Variants in CUEDC1 observed in about 807,000 individuals in gnomAD.
CUEDC1 encodes the protein CUE domain-containing protein 1.
CUEDC1 carries 30 observed loss-of-function variants against 43.7 expected under a neutral mutation model. The ratio of observed to expected loss-of-function variants is 0.69; its 90% CI spans 0.51 to 0.93. CUEDC1 has a LOEUF of 0.93. Among genes scored for constraint, CUEDC1 ranks in the 40% least tolerant of loss-of-function variants. CUEDC1 has a pLI of 0.00. For synonymous variants in CUEDC1, 223 were observed against 223.6 expected, an observed-to-expected ratio of 1.00 and a Z score of 0.02; for missense variants, 486 against 549.0, an observed-to-expected ratio of 0.89 and a Z score of 1.15.
At chr17:57,879,805 A>G in intron 2 of CUEDC1, 67 bp from the exon 3 acceptor site, 2 of 1,508,818 alleles carry the variant, frequency 1.3e-6, no homozygotes, top group Non-Finnish European at 1.8e-6. Context: ...CCATTCAGAC[A>G]AAATCAAGTG....
chr17:57,904,764 G>C (rs528258756), intron 1 of CUEDC1, among the ~76,000 whole-genome samples: 1 of 152,152 alleles, frequency 6.6e-6, no homozygotes, highest in South Asian at 2.1e-4. Context: ...TCGCCCTACC[G>C]TAGGGGAGTG....
chr17:57,868,253 G>A lies in CUEDC1; in HGVS notation c.941-10C>T. 1.2e-6 allele frequency: 2 copies of A among 1,613,014 alleles called. No homozygotes were observed. Among genetic ancestry groups the A allele is most frequent in the Non-Finnish European group, 8.5e-7 (1 of 1,178,988 alleles). On this transcript the variant is annotated splice_polypyrimidine_tract_variant and intron_variant, in intron 7 of 10. Coordinates refer to ENST00000577830, the MANE Select transcript of CUEDC1 (RefSeq NM_001271875.2). ...AGTTTCCTCCGGGTGGCTGGGGGCA[G>A]AGAGACCTGTGAGTCATTCTCTCAG...
intron 3 of CUEDC1, 105 bp downstream of exon 3, chr17:57,879,506 A>AG (rs35327916): frequency 0.59 from 825,560 of 1,398,296 alleles, 248,302 homozygotes; most frequent in East Asian, 1. Flanking sequence ...CTGTTCTTTG[A>AG]AATATACTGA....
chr17:57,945,911 G>T (rs1484273698), intron 1 of CUEDC1, among the ~76,000 whole-genome samples: 2 of 152,108 alleles, frequency 1.3e-5, no homozygotes, highest in East Asian at 3.9e-4. Context: ...TGTAATCCCA[G>T]CTACTCAGGA....
intron 1 of CUEDC1, among the ~76,000 whole-genome samples, chr17:57,894,312 C>A (rs1352497862): frequency 6.6e-6 from 1 of 152,204 alleles, no homozygotes; most frequent in Non-Finnish European, 1.5e-5. Flanking sequence ...TTGGCCACCC[C>A]CACCCCTATC....
chr17:57,896,767 C>CTTTTTTTT (rs747788787), intron 1 of CUEDC1, among the ~76,000 whole-genome samples: 208 of 112,234 alleles, frequency 1.9e-3, no homozygotes, highest in Middle Eastern at 5.1e-3. Context: ...TTTCTTCTTT[C>CTTTTTTTT]TTTTTTTTTT....
Position 57,885,690 on chromosome 17 carries a change from C to T in CUEDC1, c.-126G>A. 7.7e-7 allele frequency: 1 copy of T among 1,295,158 alleles called. No homozygotes were observed. 80.2% of individuals were successfully genotyped at this position (1,295,158 alleles called of 1,614,324 possible). ...AGCTCACTCCTGCGCCTCCTCCTCC[C>T]CGGGTAGCCAGGCAGCAATGGGCTG... On this transcript the variant is annotated 5_prime_UTR_variant, in exon 2 of 11. Coordinates refer to ENST00000577830, the MANE Select transcript of CUEDC1 (RefSeq NM_001271875.2).
At chr17:57,936,874 A>G (rs1385430328) in intron 1 of CUEDC1, among the ~76,000 whole-genome samples, 4 of 148,616 alleles carry the variant, frequency 2.7e-5, no homozygotes, top group East Asian at 2.0e-4. Context: ...ACGCTGGAGT[A>G]CAGTGGCGTG....
intron 1 of CUEDC1, among the ~76,000 whole-genome samples, chr17:57,896,655 A>C (rs2074413479): frequency 6.6e-6 from 1 of 151,962 alleles, no homozygotes; most frequent in Non-Finnish European, 1.5e-5. Context: ...ATTTTGATTG[A>C]TACTCATTTA....
chr17:57,931,888 A>C (rs1047574687), intron 1 of CUEDC1, among the ~76,000 whole-genome samples: 2 of 139,950 alleles, frequency 1.4e-5, no homozygotes, highest in African/African-American at 2.7e-5. Flanking sequence ...CCCACCTCCA[A>C]ACCCTGCCAT....
At chr17:57,917,590 T>C (rs533682645) in intron 1 of CUEDC1, among the ~76,000 whole-genome samples, 2 of 152,268 alleles carry the variant, frequency 1.3e-5, no homozygotes, top group Admixed American at 6.5e-5. Flanking sequence ...CTCTCAACCA[T>C]CCCATGAGAG....
intron 1 of CUEDC1, among the ~76,000 whole-genome samples, chr17:57,919,271 C>A (rs1392359995): frequency 6.6e-6 from 1 of 152,072 alleles, no homozygotes; most frequent in East Asian, 1.9e-4. Context: ...CCTCCGCCTC[C>A]CGGGTTCGAG....
At chr17:57,913,276 C>G (rs2074603474) in intron 1 of CUEDC1, among the ~76,000 whole-genome samples, 1 of 150,902 alleles carries the variant, frequency 6.6e-6, no homozygotes, top group African/African-American at 2.4e-5. Context: ...TGCAGTGAGC[C>G]AAGATCACGC....
At chr17:57,882,180 GA>G (rs1476524365) in intron 2 of CUEDC1, among the ~76,000 whole-genome samples, 1 of 151,628 alleles carries the variant, frequency 6.6e-6, no homozygotes, top group African/African-American at 2.4e-5. Context: ...TCAGCCCCCA[GA>G]AAGGGTTTTT....
intron 1 of CUEDC1, among the ~76,000 whole-genome samples, chr17:57,940,759 C>G (rs577090334): frequency 5.3e-5 from 8 of 152,304 alleles, no homozygotes; most frequent in African/African-American, 1.9e-4. Context: ...GTGCCAGGTG[C>G]TGTCATGGGT....
In CUEDC1 at chr17:57,863,080, C is replaced by T. The variant is rs2073904662; in HGVS notation, c.*209G>A. ...CCTATAGGGGCCCCAGGTCCTTCCT[C>T]CAATTGCAAGGCAGCAACTCCGAAG... On this transcript the variant is annotated 3_prime_UTR_variant, in exon 11 of 11. Transcript: ENST00000577830. 6.6e-6 allele frequency: 1 copy of T among 152,616 alleles called. No individual in the cohort carries two copies. The highest frequency in any genetic ancestry group is 6.5e-5 in the Admixed American group (1 of 15,280). The allele number at this position is 152,616 out of a possible 1,614,324, so 9.5% of individuals were successfully genotyped here.
intron 1 of CUEDC1, among the ~76,000 whole-genome samples, chr17:57,943,284 A>T (rs2074933055): frequency 6.6e-6 from 1 of 152,176 alleles, no homozygotes; most frequent in African/African-American, 2.4e-5. Context: ...GGAGACTGAC[A>T]TGGAAGGCTT....
rs1181177524 is a variant in CUEDC1, at chr17:57,946,632, G to A, written c.-316+8593C>T. Among the ~76,000 whole-genome samples, 3 of 152,128 alleles carry A rather than the reference G, an allele frequency of 2.0e-5. No homozygotes were observed. The East Asian group carries it at 5.8e-4, about 29-fold the overall frequency. ...GATCTTAAGAATGCCAGTACAAGATGTATGTTGACTCTGTGGCATGCTCAC... is the reference window on the plus strand; with the variant it reads ...GATCTTAAGAATGCCAGTACAAGATATATGTTGACTCTGTGGCATGCTCAC... On this transcript the variant is annotated intron_variant, in intron 1 of 10. Coordinates refer to ENST00000577830, the MANE Select transcript of CUEDC1 (RefSeq NM_001271875.2).
At chr17:57,891,706 G>A (rs1239262522) in intron 1 of CUEDC1, among the ~76,000 whole-genome samples, 1 of 152,124 alleles carries the variant, frequency 6.6e-6, no homozygotes, top group Non-Finnish European at 1.5e-5. Flanking sequence ...TCCCACCCAG[G>A]GGCCTCTGAA....
Sources: allele counts gnomAD v4.1 joint callset (sites outside exome capture counted in the v4.1 genomes callset), GRCh38; gene constraint gnomAD v4.1.1; transcripts MANE v1.5; gene names NCBI Gene and HGNC (gene_info 2026-07-23, HGNC 2026-07-21).